SOX6: variants seen among roughly 807,000 people sequenced by gnomAD.
SOX6 encodes transcription factor SOX-6.
Under a neutral mutation model 97.8 loss-of-function variants are expected in SOX6, and 11 were observed. The observed-to-expected ratio is 0.11, with a 90% CI of 0.07 to 0.19. The LOEUF is 0.19. SOX6 is among the 10% of genes least tolerant of loss of function. SOX6 has a pLI of 1.00. For synonymous variants in SOX6, 360 were observed against 371.4 expected (o/e 0.97, Z 0.35); for missense variants, 810 against 1,039.5 (o/e 0.78, Z 3.04).
intron 3 of SOX6, among the ~76,000 whole-genome samples, chr11:16,244,458 A>G (rs544410560): frequency 9.2e-5 from 14 of 151,726 alleles, no homozygotes; most frequent in African/African-American, 1.4e-4. Context: ...TTGATTATCA[A>G]TTTTTTAATG....
At chr11:16,631,619 C>T (rs1848708869) in intron 3 of SOX6, among the ~76,000 whole-genome samples, 2 of 152,160 alleles carry the variant, frequency 1.3e-5, no homozygotes, top group Non-Finnish European at 2.9e-5. Flanking sequence ...ATCTGGATGT[C>T]TACCTCTCTA....
intron 7 of SOX6, among the ~76,000 whole-genome samples, chr11:16,102,005 A>G (rs898770826): frequency 6.6e-5 from 10 of 151,926 alleles, no homozygotes; most frequent in Middle Eastern, 3.2e-3. Context: ...CTTCTATTCA[A>G]CATAGTACTG....
intron 2 of SOX6, among the ~76,000 whole-genome samples, chr11:16,327,123 T>A (rs372784097): frequency 2.6e-5 from 4 of 152,180 alleles, no homozygotes; most frequent in South Asian, 2.1e-4. Context: ...GCTGTATAAC[T>A]GTCACTGCAT....
intron 6 of SOX6, among the ~76,000 whole-genome samples, chr11:16,134,674 C>G (rs1488202891): frequency 4.6e-5 from 7 of 152,088 alleles, no homozygotes; most frequent in Non-Finnish European, 7.4e-5. Context: ...TTTGTTGTTA[C>G]TATTGTAGTT....
At chr11:16,103,543 A>G (rs1256991511) in intron 7 of SOX6, among the ~76,000 whole-genome samples, 3 of 152,006 alleles carry the variant, frequency 2.0e-5, no homozygotes, top group Non-Finnish European at 4.4e-5. Context: ...AAAAGAAGTC[A>G]CTACATGAAA....
chr11:16,560,600 T>C (rs1328361258), intron 4 of SOX6, among the ~76,000 whole-genome samples: 1 of 110,864 alleles, frequency 9.0e-6, no homozygotes, highest in Admixed American at 8.4e-5. Flanking sequence ...TATACGTACA[T>C]GTATGTTTAT....
At chr11:16,598,302 G>GC (rs1345189365) in intron 4 of SOX6, among the ~76,000 whole-genome samples, 2 of 151,998 alleles carry the variant, frequency 1.3e-5, no homozygotes, top group African/African-American at 4.8e-5. Context: ...AAGGTTCAAT[G>GC]CCCATGGACC....
At chr11:16,490,595 TAGAGATAAAGATAATAGTAAC>T (rs1201241263) in intron 4 of SOX6, among the ~76,000 whole-genome samples, 1 of 152,000 alleles carries the variant, frequency 6.6e-6, no homozygotes, top group Admixed American at 6.6e-5. Flanking sequence ...AGAGTATTAT[TAGAGATAAAGATAATAGTAAC>T]AGTAATAGTA....
At chr11:16,248,764 A>T (rs1017877097) in intron 3 of SOX6, among the ~76,000 whole-genome samples, 1 of 152,176 alleles carries the variant, frequency 6.6e-6, no homozygotes, top group African/African-American at 2.4e-5. Context: ...AAGGTCTCTG[A>T]CATGCTCTGG....
In SOX6 at chr11:16,340,416, T is replaced by G. The variant is rs578199518; in HGVS notation, c.237+596A>C. 5.9e-5 allele frequency among the ~76,000 whole-genome samples: 9 copies of G among 152,216 alleles called. No individual in the cohort carries two copies. The East Asian group carries it at 1.5e-3, about 26-fold the overall frequency. ...TGGAATTTAACATGGGAAAGCTGGCTAATACACTGCATGTATTTGATGTGG... is the reference window on the plus strand; with the variant it reads ...TGGAATTTAACATGGGAAAGCTGGCGAATACACTGCATGTATTTGATGTGG... On this transcript the variant is annotated intron_variant, in intron 2 of 15. Transcript: ENST00000683767.
In SOX6 at chr11:16,628,899, G is replaced by A. The variant is rs532558252; in HGVS notation, n.430-16639C>T. On this transcript the variant is annotated intron_variant and non_coding_transcript_variant, in intron 3 of 5. Transcript: ENST00000524520. Reference sequence around the variant, plus strand: ...GACTACTGTAAGTGGCTCTCAGCTTGAACATTATTGGTGTATAGAAATGAT... The same window carrying A: ...GACTACTGTAAGTGGCTCTCAGCTTAAACATTATTGGTGTATAGAAATGAT... 5.3e-5 allele frequency among the ~76,000 whole-genome samples: 8 copies of A among 152,226 alleles called. No individual in the cohort carries two copies. The South Asian group carries it at 1.7e-3, about 32-fold the overall frequency.
At chr11:16,033,436 G>C (rs889044525) in intron 12 of SOX6, among the ~76,000 whole-genome samples, 1 of 152,242 alleles carries the variant, frequency 6.6e-6, no homozygotes, top group East Asian at 1.9e-4. Flanking sequence ...AGACATGACC[G>C]ATTTCAAAGG....
chr11:16,271,240 A>T (rs777908264), intron 3 of SOX6, among the ~76,000 whole-genome samples: 26 of 151,432 alleles, frequency 1.7e-4, no homozygotes, highest in Admixed American at 4.0e-4. Flanking sequence ...ACTTTGTATA[A>T]TCTATTATTA....
intron 4 of SOX6, among the ~76,000 whole-genome samples, chr11:16,198,230 C>CTT (rs71455880): frequency 1.2e-4 from 6 of 48,386 alleles, no homozygotes; most frequent in African/African-American, 2.6e-4. Flanking sequence ...ATTTTTTTTT[C>CTT]TTTTTTTTTT....
chr11:16,395,575 G>A (rs975031591), intron 1 of SOX6, among the ~76,000 whole-genome samples: 3 of 151,768 alleles, frequency 2.0e-5, no homozygotes, highest in African/African-American at 7.2e-5. Flanking sequence ...GACAAGAGCT[G>A]AGGCTGGCAA....
intron 6 of SOX6, among the ~76,000 whole-genome samples, chr11:16,163,264 G>A (rs1589986803): frequency 6.6e-6 from 1 of 152,148 alleles, no homozygotes; most frequent in South Asian, 2.1e-4. Context: ...GGGTAGTGAT[G>A]TGAAATGAAC....
intron 1 of SOX6, among the ~76,000 whole-genome samples, chr11:16,378,488 A>C (rs1468869900): frequency 6.6e-6 from 1 of 152,142 alleles, no homozygotes; most frequent in Non-Finnish European, 1.5e-5. Flanking sequence ...AGATCAATTA[A>C]AGAAGCTAAA....
At chr11:16,095,873 G>C in intron 9 of SOX6, 123 bp downstream of exon 9, 1 of 1,165,546 alleles carries the variant, frequency 8.6e-7, no homozygotes, top group South Asian at 1.4e-5. Flanking sequence ...GAGAAAAAGG[G>C]AAAGATTAAG....
At chr11:16,729,242 C>A (rs2134058820) in intron 2 of SOX6, among the ~76,000 whole-genome samples, 1 of 152,256 alleles carries the variant, frequency 6.6e-6, no homozygotes, top group Middle Eastern at 3.4e-3. Context: ...CACAAAGATA[C>A]TCCTCGAGAA....
Sources: gnomAD v4.1 joint callset for allele counts (sites outside exome capture counted in the v4.1 genomes callset) on GRCh38, gnomAD v4.1.1 for gene constraint, MANE v1.5 for transcripts, NCBI Gene and HGNC (gene_info 2026-07-23, HGNC 2026-07-21) for gene names.